Variants in ELF2 observed in about 807,000 individuals in gnomAD.
The protein encoded by ELF2 is E74 like ETS transcription factor 2.
ELF2 carries 11 observed loss-of-function variants against 54.8 expected under a neutral mutation model. The ratio of observed to expected loss-of-function variants is 0.20; its 90% CI spans 0.13 to 0.33. The LOEUF (loss-of-function observed/expected upper bound fraction) is 0.33. Among genes scored for constraint, ELF2 ranks in the 10% least tolerant of loss-of-function variants. The pLI, the probability that ELF2 is intolerant of heterozygous loss-of-function variation, is 1.00. For missense variants in ELF2, 513 were observed against 703.0 expected, an observed-to-expected ratio of 0.73 and a Z score of 3.06; for synonymous variants, 203 against 245.1, an observed-to-expected ratio of 0.83 and a Z score of 1.61.
chr4:139,110,917 A>C (rs1734886236), intron 4 of ELF2, among the ~76,000 whole-genome samples: 1 of 152,222 alleles, frequency 6.6e-6, no homozygotes, highest in African/African-American at 2.4e-5. Context: ...TTAAGGAAGA[A>C]GGAAAGGGGA....
chr4:139,166,134 T>C (rs1041803718), intron 1 of ELF2, among the ~76,000 whole-genome samples: 4 of 152,070 alleles, frequency 2.6e-5, no homozygotes, highest in African/African-American at 9.7e-5. Flanking sequence ...GGTCAGGTGT[T>C]CGAGACCAGC....
chr4:139,124,552 T>G (rs1736714747), intron 4 of ELF2, among the ~76,000 whole-genome samples: 1 of 152,196 alleles, frequency 6.6e-6, no homozygotes, highest in East Asian at 1.9e-4. Context: ...ATCCTTCTGA[T>G]AAAATACTCT....
intron 1 of ELF2, among the ~76,000 whole-genome samples, chr4:139,163,708 G>A (rs1741396548): frequency 2.0e-5 from 3 of 152,018 alleles, no homozygotes; most frequent in Non-Finnish European, 4.4e-5. Context: ...GAGCCCAGGA[G>A]TTCAAGACCA....
chr4:139,177,891 C>A (rs1743139060), upstream of ELF2, among the ~76,000 whole-genome samples: 1 of 152,174 alleles, frequency 6.6e-6, no homozygotes, highest in Non-Finnish European at 1.5e-5. Flanking sequence ...AGTTCCCACT[C>A]CTCAGCCTTG....
At chr4:139,160,059 CA>C (rs1171241116) in intron 1 of ELF2, among the ~76,000 whole-genome samples, 1 of 152,208 alleles carries the variant, frequency 6.6e-6, no homozygotes, top group Non-Finnish European at 1.5e-5. Flanking sequence ...GCCTGCAGGC[CA>C]GGCGCAGTGG....
intron 1 of ELF2, among the ~76,000 whole-genome samples, chr4:139,175,184 T>G (rs1239917747): frequency 6.6e-6 from 1 of 152,148 alleles, no homozygotes; most frequent in Non-Finnish European, 1.5e-5. Flanking sequence ...GTAAAGCCAC[T>G]AACATTAGCA....
At chr4:139,107,244 T>G (rs1443945458) in intron 4 of ELF2, among the ~76,000 whole-genome samples, 1 of 152,162 alleles carries the variant, frequency 6.6e-6, no homozygotes, top group Non-Finnish European at 1.5e-5. Flanking sequence ...AAGGAAAACC[T>G]TACAAAATTT....
chr4:139,071,803 T>A (rs1729547897), intron 6 of ELF2, 63 bp downstream of exon 6: 2 of 1,459,172 alleles, frequency 1.4e-6, no homozygotes, highest in Non-Finnish European at 1.8e-6. Context: ...TGTCCCTTGA[T>A]GAGGAAAAAG....
intron 4 of ELF2, among the ~76,000 whole-genome samples, chr4:139,109,042 C>T (rs932233849): frequency 2.0e-5 from 3 of 152,156 alleles, no homozygotes; most frequent in Non-Finnish European, 2.9e-5. Context: ...TATGTTATCT[C>T]CCTGAAAAAG....
chr4:139,073,479 G>A lies in ELF2; in HGVS notation c.327C>T (p.Thr109=), dbSNP rs767488511. 488 of 1,608,198 alleles carry A rather than the reference G, an allele frequency of 3.0e-4. No homozygotes were observed. The highest frequency in any genetic ancestry group is 2.6e-3 in the Admixed American group (157 of 59,732). Residue 109 remains threonine (T), a synonymous_variant, in exon 5 of 10, where the codon ACC becomes ACT. Coordinates refer to ENST00000686138, the MANE Select transcript of ELF2 (RefSeq NM_001331036.3). ...CAGGACTTCTTGAATCCCTCAAGCAGGTAGGAGATTCCATATGAAGCAGGG... is the reference window on the plus strand; with the variant it reads ...CAGGACTTCTTGAATCCCTCAAGCAAGTAGGAGATTCCATATGAAGCAGGG... ...AEALLHMESP[T]CLRDSRSPVE...
chr4:139,082,600 T>C (rs1265905062), intron 4 of ELF2, among the ~76,000 whole-genome samples: 4 of 152,216 alleles, frequency 2.6e-5, no homozygotes, highest in Non-Finnish European at 5.9e-5. Flanking sequence ...CCGTTAAATT[T>C]TGATACATGT....
intron 1 of ELF2, 53 bp from the exon 2 acceptor site, chr4:139,139,550 A>G (rs1157814104): frequency 3.0e-5 from 30 of 996,138 alleles, no homozygotes; most frequent in Non-Finnish European, 3.8e-5. Context: ...ATTAAAAAGC[A>G]CTATGCTCAA....
At chr4:139,176,608 G>A (rs1348042495) in intron 1 of ELF2, among the ~76,000 whole-genome samples, 1 of 152,152 alleles carries the variant, frequency 6.6e-6, no homozygotes, top group South Asian at 2.1e-4. Flanking sequence ...GACTCGCGCA[G>A]AGATGTAAAC....
chr4:139,087,957 C>T (rs1170144420), intron 4 of ELF2, among the ~76,000 whole-genome samples: 1 of 152,014 alleles, frequency 6.6e-6, no homozygotes, highest in African/African-American at 2.4e-5. Context: ...TGAAACTTTA[C>T]AAGGACCCAT....
At chr4:139,158,875 G>A (rs948755530) in intron 1 of ELF2, among the ~76,000 whole-genome samples, 4 of 152,122 alleles carry the variant, frequency 2.6e-5, no homozygotes, top group Non-Finnish European at 5.9e-5. Context: ...TGAGCTTGGT[G>A]AGGTGTGTTT....
chr4:139,130,803 G>A (rs576845646), intron 3 of ELF2, among the ~76,000 whole-genome samples: 41 of 152,138 alleles, frequency 2.7e-4, no homozygotes, highest in Non-Finnish European at 5.1e-4. Context: ...GAATAATAAA[G>A]TCAACAAATT....
At chr4:139,174,124 G>A (rs1319361999) in intron 1 of ELF2, among the ~76,000 whole-genome samples, 5 of 145,704 alleles carry the variant, frequency 3.4e-5, no homozygotes, top group East Asian at 2.0e-4. Flanking sequence ...CAGGAGAATC[G>A]CTTGAACCGG....
chr4:139,171,176 C>T (rs1742273443), intron 1 of ELF2, among the ~76,000 whole-genome samples: 1 of 152,010 alleles, frequency 6.6e-6, no homozygotes, highest in South Asian at 2.1e-4. Context: ...TTGCTTGAGC[C>T]CAGGGGTTCA....
chr4:139,102,172 G>GGT (rs1009562703), intron 4 of ELF2: 3 of 151,938 alleles, frequency 2.0e-5, no homozygotes, highest in African/African-American at 7.2e-5. Flanking sequence ...TCAGAAAAAA[G>GGT]GTCATATGGG....
Sources: gnomAD v4.1 joint callset for allele counts (sites outside exome capture counted in the v4.1 genomes callset) on GRCh38, gnomAD v4.1.1 for gene constraint, MANE v1.5 for transcripts, NCBI Gene and HGNC (gene_info 2026-07-23, HGNC 2026-07-21) for gene names.